SHISA9: variants seen among roughly 807,000 people sequenced by gnomAD.
SHISA9 encodes the protein shisa family member 9, also known as protein shisa-9.
SHISA9 carries 13 observed loss-of-function variants against 38.0 expected under a neutral mutation model. That is an observed-to-expected ratio of 0.34 (90% confidence interval 0.22 to 0.54). The LOEUF (loss-of-function observed/expected upper bound fraction) is 0.54. Among genes scored for constraint, SHISA9 ranks in the 20% least tolerant of loss-of-function variants. The pLI is 0.91. For synonymous variants in SHISA9, 275 were observed against 242.0 expected (o/e 1.14, Z -1.27); for missense variants, 538 against 575.8 (o/e 0.93, Z 0.67).
chr16:13,270,405 G>A, the SHISA9 span, among the ~76,000 whole-genome samples: 140 of 152,274 alleles, frequency 9.2e-4, no homozygotes, highest in Admixed American at 3.5e-3. Flanking sequence ...AGCAGACTTG[G>A]AAACAGAATT....
At chr16:12,910,704 A>G (rs2071171074) in intron 1 of SHISA9, 1 of 985,454 alleles carries the variant, frequency 1.0e-6, no homozygotes, top group Non-Finnish European at 1.2e-6. Context: ...ATCAAGAAAA[A>G]GCTTAGCTTC....
chr16:13,073,455 G>A (rs1467759738), intron 2 of SHISA9, among the ~76,000 whole-genome samples: 1 of 152,130 alleles, frequency 6.6e-6, no homozygotes, highest in Non-Finnish European at 1.5e-5. Context: ...TCTCCCACGT[G>A]GGGTCCCTGG....
intron 2 of SHISA9, among the ~76,000 whole-genome samples, chr16:13,049,227 T>C (rs2073223705): frequency 6.6e-6 from 1 of 151,632 alleles, no homozygotes. Context: ...TCTGTGTGTG[T>C]TGGATTTGCA....
intron 2 of SHISA9, among the ~76,000 whole-genome samples, chr16:13,050,278 G>A (rs1204701019): frequency 1.3e-5 from 2 of 152,040 alleles, no homozygotes; most frequent in South Asian, 2.1e-4. Context: ...AAGATATTAT[G>A]GATAAATTAA....
the SHISA9 span, among the ~76,000 whole-genome samples, chr16:13,494,474 T>G: frequency 6.6e-6 from 1 of 152,058 alleles, no homozygotes; most frequent in South Asian, 2.1e-4. Context: ...ACCAACAACC[T>G]GGAATCTGAG....
At chr16:13,109,380 C>G (rs1202399284) in intron 2 of SHISA9, among the ~76,000 whole-genome samples, 3 of 152,138 alleles carry the variant, frequency 2.0e-5, no homozygotes, top group African/African-American at 7.2e-5. Context: ...TACTCATTCA[C>G]TCATTTCTCC....
intron 2 of SHISA9, among the ~76,000 whole-genome samples, chr16:12,988,220 G>A (rs1344160438): frequency 1.3e-5 from 2 of 152,178 alleles, no homozygotes; most frequent in African/African-American, 4.8e-5. Context: ...GTCCTTTTCT[G>A]GTAGTTTAAA....
intron 2 of SHISA9, among the ~76,000 whole-genome samples, chr16:13,186,593 A>T (rs933856497): frequency 6.6e-6 from 1 of 152,078 alleles, no homozygotes; most frequent in African/African-American, 2.4e-5. Flanking sequence ...CACCGTGCCC[A>T]GCCATCCATC....
At chr16:13,051,223 G>A (rs2073247351) in intron 2 of SHISA9, among the ~76,000 whole-genome samples, 1 of 152,198 alleles carries the variant, frequency 6.6e-6, no homozygotes, top group Non-Finnish European at 1.5e-5. Flanking sequence ...ATGGCAGAAG[G>A]CAAAAGAGGA....
the SHISA9 span, among the ~76,000 whole-genome samples, chr16:13,505,890 A>G: frequency 1.3e-5 from 2 of 152,166 alleles, no homozygotes; most frequent in African/African-American, 4.8e-5. Flanking sequence ...TTTCTGAGGC[A>G]TTCGATTGTT....
chr16:13,120,632 G>A (rs1202131486), intron 2 of SHISA9, among the ~76,000 whole-genome samples: 1 of 152,208 alleles, frequency 6.6e-6, no homozygotes, highest in Non-Finnish European at 1.5e-5. Context: ...ACAGGAAAAT[G>A]CTGAGAGAGA....
intron 2 of SHISA9, among the ~76,000 whole-genome samples, chr16:13,055,620 C>T (rs2073301642): frequency 6.6e-6 from 1 of 152,134 alleles, no homozygotes; most frequent in Non-Finnish European, 1.5e-5. Flanking sequence ...GCCAGCATCC[C>T]ACTCTGAATT....
intron 3 of SHISA9, among the ~76,000 whole-genome samples, chr16:13,205,814 C>T (rs901781900): frequency 4.6e-5 from 7 of 151,912 alleles, no homozygotes; most frequent in African/African-American, 1.2e-4. Flanking sequence ...CTGGCTGGAG[C>T]GCAGTGGCAC....
chr16:13,526,575 G>A, the SHISA9 span, among the ~76,000 whole-genome samples: 10 of 152,048 alleles, frequency 6.6e-5, no homozygotes, highest in East Asian at 3.9e-4. Flanking sequence ...TAGTAGAGAC[G>A]GGGCTTCACC....
intron 2 of SHISA9, among the ~76,000 whole-genome samples, chr16:13,132,590 C>G (rs1567222669): frequency 6.6e-6 from 1 of 152,088 alleles, no homozygotes; most frequent in African/African-American, 2.4e-5. Flanking sequence ...CCTGACATTG[C>G]CAGATGTCCC....
intron 3 of SHISA9, among the ~76,000 whole-genome samples, chr16:13,210,671 G>A (rs998316077): frequency 8.5e-5 from 13 of 152,170 alleles, no homozygotes; most frequent in Non-Finnish European, 4.4e-5. Flanking sequence ...TTTCAAGTTA[G>A]GGCAGAAAGG....
At chr16:13,550,837 G>T in the SHISA9 span, among the ~76,000 whole-genome samples, 1 of 152,130 alleles carries the variant, frequency 6.6e-6, no homozygotes, top group Non-Finnish European at 1.5e-5. Flanking sequence ...GAAGTGATGG[G>T]CACAGGCCAG....
chr16:13,180,906 T>C (rs2050771358), intron 2 of SHISA9, among the ~76,000 whole-genome samples: 1 of 152,148 alleles, frequency 6.6e-6, no homozygotes, highest in African/African-American at 2.4e-5. Flanking sequence ...CCTGATGGAA[T>C]CATAGTCAAT....
intron 2 of SHISA9, among the ~76,000 whole-genome samples, chr16:13,072,081 G>A (rs2073525614): frequency 6.6e-6 from 1 of 152,208 alleles, no homozygotes; most frequent in Admixed American, 6.5e-5. Context: ...ATGATTCCCT[G>A]CCCCTGGTTC....
Sources: allele counts gnomAD v4.1 joint callset (sites outside exome capture counted in the v4.1 genomes callset), GRCh38; gene constraint gnomAD v4.1.1; transcripts MANE v1.5; gene names NCBI Gene and HGNC (gene_info 2026-07-23, HGNC 2026-07-21).